The following HMGB1 variants were observed in gnomAD, a reference collection of about 807,000 sequenced individuals.
HMGB1 encodes high mobility group box 1.
For synonymous variants in HMGB1, 81 were observed against 84.0 expected, an observed-to-expected ratio of 0.96 and a Z score of 0.19; for missense variants, 79 against 253.5, an observed-to-expected ratio of 0.31 and a Z score of 4.67.
At chr13:30,606,084 G>A (rs1284718313) in intron 1 of HMGB1, among the ~76,000 whole-genome samples, 1 of 152,188 alleles carries the variant, frequency 6.6e-6, no homozygotes, top group Admixed American at 6.5e-5. Flanking sequence ...GCATTTGGTT[G>A]TCATGTGTCT....
exon 1 of HMGB1, chr13:30,616,700 C>T (rs911742905): frequency 1.3e-5 from 2 of 152,316 alleles, no homozygotes; most frequent in South Asian, 4.1e-4. Flanking sequence ...GAAACCCCAA[C>T]AAACTGCTGG....
At position 30,458,471 on chromosome 13, in the gene HMGB1, A is replaced by T. The variant is rs1352422325; in HGVS notation, c.*2886T>A. The stretch of plus-strand genomic sequence containing the variant: ...CAGCCTCCTGAGTTACTGGGACTAC[A>T]GGCGCCCAGCACCACGCTTGGCTAA... On this transcript the variant is annotated 3_prime_UTR_variant, in exon 5 of 5. Coordinates refer to ENST00000341423, the MANE Select transcript of HMGB1 (RefSeq NM_002128.7). 6.6e-6 allele frequency: 1 copy of T among 152,070 alleles called. No homozygotes were observed. 9.4% of individuals were successfully genotyped at this position (152,070 alleles called of 1,614,324 possible).
At chr13:30,503,163 C>T (rs544561917) in intron 1 of HMGB1, among the ~76,000 whole-genome samples, 67 of 148,204 alleles carry the variant, frequency 4.5e-4, no homozygotes, top group African/African-American at 1.4e-3. Flanking sequence ...AGTGAAACCC[C>T]GTCTCTACTA....
intron 1 of HMGB1, among the ~76,000 whole-genome samples, chr13:30,570,442 CTT>C (rs1375180631): frequency 1.3e-5 from 2 of 152,162 alleles, no homozygotes; most frequent in Non-Finnish European, 2.9e-5. Context: ...TCTAAGATGA[CTT>C]TTTCACTTTG....
intron 1 of HMGB1, among the ~76,000 whole-genome samples, chr13:30,512,887 A>T (rs1888022866): frequency 6.6e-6 from 1 of 152,156 alleles, no homozygotes; most frequent in Admixed American, 6.5e-5. Context: ...CTAGGGCCGC[A>T]CACAGTGGCT....
At chr13:30,549,458 C>T (rs1229898169) in intron 1 of HMGB1, among the ~76,000 whole-genome samples, 1 of 152,232 alleles carries the variant, frequency 6.6e-6, no homozygotes, top group Non-Finnish European at 1.5e-5. Flanking sequence ...TACACAATCA[C>T]AGCTCACTGC....
At chr13:30,479,211 G>C (rs1291851333) in intron 1 of HMGB1, among the ~76,000 whole-genome samples, 2 of 152,116 alleles carry the variant, frequency 1.3e-5, no homozygotes, top group Non-Finnish European at 2.9e-5. Context: ...TTCTTTCCCT[G>C]TAATTTGGAC....
At chr13:30,589,039 CTT>C (rs957724341) in intron 1 of HMGB1, among the ~76,000 whole-genome samples, 4 of 145,032 alleles carry the variant, frequency 2.8e-5, no homozygotes, top group African/African-American at 1.0e-4. Context: ...GAGTCTTGCT[CTT>C]GTTGCCCAGG....
chr13:30,528,284 A>G (rs1324274626), intron 1 of HMGB1, among the ~76,000 whole-genome samples: 1 of 152,216 alleles, frequency 6.6e-6, no homozygotes, highest in African/African-American at 2.4e-5. Context: ...TTCATGGCCA[A>G]CCACAACCAA....
chr13:30,554,071 T>G (rs1869561720), intron 1 of HMGB1: 1 of 1,355,804 alleles, frequency 7.4e-7, no homozygotes, highest in South Asian at 1.2e-5. Context: ...GACCAAAAGA[T>G]GCTGTTTAAA....
intron 1 of HMGB1, among the ~76,000 whole-genome samples, chr13:30,614,768 C>T (rs1430479603): frequency 6.6e-6 from 1 of 152,080 alleles, no homozygotes; most frequent in Non-Finnish European, 1.5e-5. Context: ...GTAATCTCAG[C>T]TCATTGCAAT....
intron 1 of HMGB1, chr13:30,540,582 CTTTT>C (rs373841770): frequency 1.1e-4 from 15 of 132,598 alleles, no homozygotes; most frequent in African/African-American, 1.7e-4. Context: ...ACACTTTAGT[CTTTT>C]TTTTTTTTTT....
intron 1 of HMGB1, among the ~76,000 whole-genome samples, chr13:30,606,962 C>T (rs564417762): frequency 9.8e-4 from 149 of 152,332 alleles, no homozygotes; most frequent in Non-Finnish European, 1.9e-3. Flanking sequence ...TGTAAGATTA[C>T]GTAGCATATT....
At chr13:30,471,058 G>A (rs1886912365) in intron 1 of HMGB1, among the ~76,000 whole-genome samples, 1 of 151,598 alleles carries the variant, frequency 6.6e-6, no homozygotes, top group Admixed American at 6.6e-5. Flanking sequence ...AGCTCACTGC[G>A]ACCTCCACCT....
chr13:30,609,756 C>T (rs1174635293), intron 1 of HMGB1, among the ~76,000 whole-genome samples: 1 of 152,170 alleles, frequency 6.6e-6, no homozygotes, highest in Non-Finnish European at 1.5e-5. Context: ...TCTTCCCCAA[C>T]CCGAATCCCC....
At chr13:30,508,383 A>G (rs1887916919) in intron 1 of HMGB1, among the ~76,000 whole-genome samples, 1 of 152,006 alleles carries the variant, frequency 6.6e-6, no homozygotes. Flanking sequence ...GTGGGGGTGT[A>G]TGCCTGTAGT....
At chr13:30,615,847 A>T (rs964245883) in intron 1 of HMGB1, among the ~76,000 whole-genome samples, 9 of 152,220 alleles carry the variant, frequency 5.9e-5, no homozygotes, top group Admixed American at 5.2e-4. Flanking sequence ...GAACTACTGC[A>T]GCTGTTCGTT....
At chr13:30,520,104 T>C (rs545044454) in intron 1 of HMGB1, among the ~76,000 whole-genome samples, 12 of 152,272 alleles carry the variant, frequency 7.9e-5, no homozygotes, top group African/African-American at 2.9e-4. Context: ...GGAGGATCAC[T>C]GGAGCTCAGG....
intron 1 of HMGB1, among the ~76,000 whole-genome samples, chr13:30,603,978 C>G (rs1026412280): frequency 1.3e-5 from 2 of 152,200 alleles, no homozygotes; most frequent in African/African-American, 4.8e-5. Context: ...CAAGGAACGA[C>G]TGTATGCATT....
Sources: allele counts gnomAD v4.1 joint callset (sites outside exome capture counted in the v4.1 genomes callset), GRCh38; gene constraint gnomAD v4.1.1; transcripts MANE v1.5; gene names NCBI Gene and HGNC (gene_info 2026-07-23, HGNC 2026-07-21).